The following RAD21L1 variants were observed in gnomAD, a reference collection of about 807,000 sequenced individuals.
RAD21L1 encodes the protein double-strand-break repair protein rad21-like protein 1.
A neutral mutation model predicts 69.0 loss-of-function variants in RAD21L1; 47 were observed. That is an observed-to-expected ratio of 0.68 (90% confidence interval 0.54 to 0.87). RAD21L1 has a LOEUF of 0.87. Among genes scored for constraint, RAD21L1 ranks in the 40% least tolerant of loss-of-function variants. RAD21L1 has a pLI of 0.00. For missense variants in RAD21L1, 583 were observed against 647.6 expected (o/e 0.90, Z 1.08); for synonymous variants, 177 against 205.8 (o/e 0.86, Z 1.20).
chr20:1,249,848 AT>A (rs1199676031), intron 13 of RAD21L1, among the ~76,000 whole-genome samples: 1 of 151,422 alleles, frequency 6.6e-6, no homozygotes, highest in Non-Finnish European at 1.5e-5. Context: ...TCATTACCTC[AT>A]TTTTTTTCTT....
rs71327497 is a variant in RAD21L1 at position 1,248,045 on chromosome 20, CAAAAAAAAAAAA to C, written c.1402-569_1402-558del. 2.3e-3 allele frequency among the ~76,000 whole-genome samples: 167 copies of C among 71,940 alleles called. 1 individual carries two copies. Among genetic ancestry groups the C allele is most frequent in the Middle Eastern group, 0.026 (2 of 76 alleles). The allele number at this position is 71,940 out of a possible 152,430, so 47.2% of individuals were successfully genotyped here. A position where few individuals can be genotyped will look rare whatever the true frequency, so the allele number is the denominator to read the frequency against. ...CTGAAAGTGGTTAAGCCTTAAATACCAAAAAAAAAAAAAAAAAAAAAAAGAATCTATTTAGAT... is the reference window on the plus strand; with the variant it reads ...CTGAAAGTGGTTAAGCCTTAAATACCAAAAAAAAAAAGAATCTATTTAGAT... On this transcript the variant is annotated intron_variant, in intron 12 of 13. Transcript: ENST00000683101.
intron 8 of RAD21L1, among the ~76,000 whole-genome samples, chr20:1,241,189 A>G (rs1021864429): frequency 1.3e-5 from 2 of 152,248 alleles, no homozygotes; most frequent in African/African-American, 4.8e-5. Context: ...TGTAGTGGGC[A>G]CGGGAATAAA....
In RAD21L1 at chr20:1,238,095, T is replaced by C. The variant is rs377563661; in HGVS notation, c.527T>C (p.Leu176Ser). The C allele has an allele frequency of 6.5e-7, 1 of 1,541,908 alleles. No homozygotes were observed. The highest frequency in any genetic ancestry group is 1.4e-5 in the African/African-American group (1 of 73,060). ...RRHSFFDDNI[L>S]LNSSGPLIEH... ...CATAGCTTCTTTGATGACAACATAT[T>C]ACTGAATTCCAGTGGTCCTTTAATT... is the stretch of plus-strand genomic sequence containing the variant. Residue 176 changes from leucine (L) to serine (S), a missense_variant, in exon 6 of 14, where the codon TTA becomes TCA. By Grantham distance (145) the Leu-to-Ser change is moderately radical. Transcript: ENST00000683101.
chr20:1,236,065 G>A (rs1245597178), intron 5 of RAD21L1, among the ~76,000 whole-genome samples: 3 of 152,214 alleles, frequency 2.0e-5, no homozygotes, highest in South Asian at 4.2e-4. Flanking sequence ...ACCGTGCCCG[G>A]CCAGGATCAC....
intron 9 of RAD21L1, 75 bp downstream of exon 9, chr20:1,242,920 A>G: frequency 2.0e-6 from 2 of 1,021,432 alleles, no homozygotes; most frequent in Admixed American, 2.3e-5. Context: ...ATAAACACAT[A>G]TTTACATACA....
At chr20:1,233,951 A>G in intron 4 of RAD21L1, 134 bp from the exon 5 acceptor site, 1 of 538,804 alleles carries the variant, frequency 1.9e-6, no homozygotes, top group Non-Finnish European at 3.4e-6. Context: ...ATGTATATAT[A>G]ATAAACTAGT....
rs1289821507 is a variant in RAD21L1, at chr20:1,242,718, C to T, written c.956C>T (p.Ala319Val). The T allele has an allele frequency of 1.1e-5, 17 of 1,551,294 alleles. No homozygotes were observed. Among genetic ancestry groups the T allele is most frequent in the Middle Eastern group, 1.7e-4 (1 of 6,014 alleles). ...KVIHKQLTSF[A>V]DTLMVLELAP... ...ATACATAAACAGCTTACTTCCTTTG[C>T]GGACACACTCATGGTTTTGGAACTT... is the stretch of plus-strand genomic sequence containing the variant. The change falls in exon 9 of 14, where the codon GCG (alanine) becomes GTG (valine). Residue 319 changes from alanine to valine, a missense_variant. Ala to Val is a moderately conservative substitution (Grantham distance 64). Coordinates refer to ENST00000683101, the MANE Select transcript of RAD21L1 (RefSeq NM_001384355.1).
At chr20:1,236,126 G>T (rs1163810068) in intron 5 of RAD21L1, among the ~76,000 whole-genome samples, 1 of 152,016 alleles carries the variant, frequency 6.6e-6, no homozygotes, top group East Asian at 1.9e-4. Context: ...TTGTTTGTTT[G>T]TTTGTTTGTT....
rs1387940194 is a variant in RAD21L1, at chr20:1,246,977, A to G, written c.1401+672A>G. 6.6e-6 allele frequency among the ~76,000 whole-genome samples: 1 copy of G among 152,208 alleles called. No homozygotes were observed. Among genetic ancestry groups the G allele is most frequent in the Non-Finnish European group, 1.5e-5 (1 of 68,034 alleles). On this transcript the variant is annotated intron_variant, in intron 12 of 13. Transcript: ENST00000683101. This position sits in a 1 kb window ranked among gnomAD's most constrained non-coding sequence, Gnocchi z 4.6. Reference sequence around the variant, plus strand: ...GTAAGCCTGATGTTAATTTGCTTCTATAAAATTATCTATATATTGAGTTCC... The same window carrying G: ...GTAAGCCTGATGTTAATTTGCTTCTGTAAAATTATCTATATATTGAGTTCC...
At chr20:1,238,557 A>G (rs911634884) in intron 6 of RAD21L1, among the ~76,000 whole-genome samples, 3 of 151,992 alleles carry the variant, frequency 2.0e-5, no homozygotes, top group Non-Finnish European at 2.9e-5. Flanking sequence ...TTTCTTTAAC[A>G]TACATTGTGG....
Position 1,228,616 on chromosome 20 carries a change from T to C in RAD21L1, c.144+19T>C. On this transcript the variant is annotated intron_variant, in intron 2 of 13. Transcript: ENST00000683101. ...ACCCAAGGTATGTTACTGATTAAAATGATAGCTTGTATTTATCATGACTTT... is the reference window on the plus strand; with the variant it reads ...ACCCAAGGTATGTTACTGATTAAAACGATAGCTTGTATTTATCATGACTTT... The C allele has an allele frequency of 6.8e-7, 1 of 1,473,196 alleles. No individual in the cohort carries two copies. The highest frequency in any genetic ancestry group is 1.3e-5 in the South Asian group (1 of 76,184). 91.3% of individuals were successfully genotyped at this position (1,473,196 alleles called of 1,614,324 possible).
chr20:1,247,081 A>G (rs1373756181), intron 12 of RAD21L1, among the ~76,000 whole-genome samples: 1 of 152,184 alleles, frequency 6.6e-6, no homozygotes, highest in Non-Finnish European at 1.5e-5. Flanking sequence ...AATTACCTGA[A>G]CTTTTTACCT....
At chr20:1,252,002 C>T (rs953169242) in intron 13 of RAD21L1, among the ~76,000 whole-genome samples, 1 of 151,986 alleles carries the variant, frequency 6.6e-6, no homozygotes, top group Non-Finnish European at 1.5e-5. Flanking sequence ...TTCCTTGTGC[C>T]CCTTTTGAAT....
chr20:1,244,307 A>G (rs940733146), intron 11 of RAD21L1, 137 bp downstream of exon 11: 10 of 630,858 alleles, frequency 1.6e-5, no homozygotes. Context: ...TTGTTTAGTA[A>G]GTAGCAGGGT....
rs1377224581 is a variant in RAD21L1, at chr20:1,242,632, A to G, written c.870A>G (p.Lys290=). The change falls in exon 9 of 14, where the codon AAA becomes AAG. Residue 290 remains lysine, a synonymous_variant. Coordinates refer to ENST00000683101, the MANE Select transcript of RAD21L1 (RefSeq NM_001384355.1). The stretch of plus-strand genomic sequence containing the variant: ...TCTTATATTTAGACATTGCTGAGAA[A>G]AGGAAAGGCAAAAAGAGGAGATTGC... ...DPIDISDIAE[K]RKGKKRRLLI... The G allele has an allele frequency of 6.4e-7, 1 of 1,550,794 alleles. No individual in the cohort carries two copies. The highest frequency in any genetic ancestry group is 8.7e-7 in the Non-Finnish European group (1 of 1,146,176).
Position 1,254,697 on chromosome 20 carries a change from A to G in RAD21L1, c.*240A>G, listed in dbSNP as rs2087902498. ...TTGTTTTTTTAAGGACAAAGGTCTC[A>G]CTATATTGCCCAGGCTGGACTTGAA... is the stretch of plus-strand genomic sequence containing the variant. On this transcript the variant is annotated 3_prime_UTR_variant, in exon 14 of 14. Coordinates refer to ENST00000683101, the MANE Select transcript of RAD21L1 (RefSeq NM_001384355.1). Among the ~76,000 whole-genome samples the G allele has an allele frequency of 6.6e-6, 1 of 152,036 alleles. No individual in the cohort carries two copies. Among genetic ancestry groups the G allele is most frequent in the South Asian group, 2.1e-4 (1 of 4,820 alleles).
In RAD21L1 at chr20:1,239,405, C is replaced by G; in HGVS notation, c.740C>G (p.Ala247Gly). Reference protein sequence around the residue: ...SLPSEPPNSLAVEPDNSECIC... With the variant: ...SLPSEPPNSLGVEPDNSECIC... ...CCTTCTGAGCCTCCCAATAGTTTAG[C>G]AGGTAGGTTGAAATTTTCCTTTATG... Residue 247 changes from alanine (A) to glycine (G), a missense_variant and splice_region_variant, in exon 7 of 14, where the codon GCA (alanine) becomes GGA (glycine). By Grantham distance (60) the Ala-to-Gly change is moderately conservative (BLOSUM62 0). Coordinates refer to ENST00000683101, the MANE Select transcript of RAD21L1 (RefSeq NM_001384355.1). The G allele has an allele frequency of 6.5e-7, 1 of 1,531,784 alleles. No individual in the cohort carries two copies. The highest frequency in any genetic ancestry group is 8.8e-7 in the Non-Finnish European group (1 of 1,130,220). The allele number at this position is 1,531,784 out of a possible 1,614,324, so 94.9% of individuals were successfully genotyped here. A position where few individuals can be genotyped will look rare whatever the true frequency, so the allele number is the denominator to read the frequency against.
At chr20:1,250,252 CT>C (rs948400827) in intron 13 of RAD21L1, among the ~76,000 whole-genome samples, 3 of 142,434 alleles carry the variant, frequency 2.1e-5, no homozygotes, top group African/African-American at 7.8e-5. Context: ...CTTTTTTTTT[CT>C]TTTTTTCTTT....
chr20:1,226,955 G>GTTT (rs2087276506), intron 1 of RAD21L1, among the ~76,000 whole-genome samples: 1 of 152,178 alleles, frequency 6.6e-6, no homozygotes, highest in Non-Finnish European at 1.5e-5. Flanking sequence ...TGTCGCCCAG[G>GTTT]CTGGAGTGCA....
Sources: gnomAD v4.1 joint callset for allele counts (sites outside exome capture counted in the v4.1 genomes callset) on GRCh38, gnomAD v4.1.1 for gene constraint, Gnocchi (gnomAD v3.1) non-coding constraint, MANE v1.5 for transcripts, NCBI Gene and HGNC (gene_info 2026-07-23, HGNC 2026-07-21) for gene names.